SH3BP1: variants seen among roughly 807,000 people sequenced by gnomAD.
SH3BP1 encodes SH3 domain-binding protein 1.
SH3BP1 carries 46 observed loss-of-function variants against 69.8 expected under a neutral mutation model. The ratio of observed to expected loss-of-function variants is 0.66; its 90% CI spans 0.52 to 0.84. The LOEUF is 0.84. Ranked by LOEUF, SH3BP1 falls within the 40% of genes least tolerant of loss-of-function variation. The probability of loss-of-function intolerance (pLI) is 0.00; values close to 1 mark genes in which losing one functional copy is unlikely to be tolerated. For missense variants in SH3BP1, 868 were observed against 930.9 expected, an observed-to-expected ratio of 0.93 and a Z score of 0.88; for synonymous variants, 403 against 378.0, an observed-to-expected ratio of 1.07 and a Z score of -0.77.
At chr22:37,653,588 G>C (rs1932931512) in intron 16 of SH3BP1, among the ~76,000 whole-genome samples, 191 bp from the exon 17 acceptor site, 1 of 152,140 alleles carries the variant, frequency 6.6e-6, no homozygotes, top group Non-Finnish European at 1.5e-5. Flanking sequence ...AGCAGCCAGG[G>C]GCTCAGTGGA....
chr22:37,643,398 A>AACAG lies in SH3BP1; in HGVS notation c.473+224_473+225insACAG. ...TGCTGGGGCAACCCTAAAGCCTGGG[A>AACAG]TCCTGTAAACAGTCCTGCGGCAGCC... On this transcript the variant is annotated intron_variant, in intron 6 of 17. Transcript: ENST00000649765. 1.5e-5 allele frequency: 10 copies of AACAG among 660,580 alleles called. No individual in the cohort carries two copies. In the South Asian group the frequency reaches 1.9e-4, roughly 12 times the overall value. 40.9% of individuals were successfully genotyped at this position (660,580 alleles called of 1,614,324 possible).
At position 37,650,666 on chromosome 22, in the gene SH3BP1, G is replaced by C; in HGVS notation, c.1539G>C (p.Pro513=). Residue 513 remains proline, a synonymous_variant, in exon 16 of 18, where the codon CCG becomes CCC. Coordinates refer to ENST00000649765, the MANE Select transcript of SH3BP1 (RefSeq NM_018957.6). ...CCACCCCAGCCACCACCCCGGCTCC[G>C]GCTCCGGCTCCAGCTCCAGCTCCGG... ...AVPTPATTPA[P]APAPAPAPAP... The C allele has an allele frequency of 6.2e-7, 1 of 1,613,828 alleles. No homozygotes were observed. The highest frequency in any genetic ancestry group is 2.2e-5 in the East Asian group (1 of 44,878).
intron 10 of SH3BP1, among the ~76,000 whole-genome samples, chr22:37,646,472 T>A (rs914648178): frequency 1.8e-4 from 28 of 151,832 alleles, no homozygotes. Context: ...GCCAGGCTGG[T>A]CTCAAACCCC....
intron 7 of SH3BP1, among the ~76,000 whole-genome samples, chr22:37,644,010 GTGTT>G (rs2146049841): frequency 6.6e-6 from 1 of 152,364 alleles, no homozygotes; most frequent in South Asian, 2.1e-4. Flanking sequence ...GAGTCTCCAT[GTGTT>G]TGTTTGCTGA....
At chr22:37,640,742 A>G (rs1932554231) in intron 1 of SH3BP1, 1 of 275,956 alleles carries the variant, frequency 3.6e-6, no homozygotes, top group South Asian at 3.9e-5. Flanking sequence ...GAGCTCCTGC[A>G]CTTCCCGTTC....
intron 17 of SH3BP1, among the ~76,000 whole-genome samples, chr22:37,654,333 G>C (rs1411635989): frequency 6.6e-6 from 1 of 152,166 alleles, no homozygotes; most frequent in Non-Finnish European, 1.5e-5. Context: ...CACTTTGGGA[G>C]GCTGAGGCGG....
chr22:37,652,126 C>T (rs57701688), intron 16 of SH3BP1, among the ~76,000 whole-genome samples: 3,073 of 151,462 alleles, frequency 0.02, 103 homozygotes, highest in African/African-American at 0.069. Context: ...CTGGCTAACA[C>T]GGTGAAACCC....
At chr22:37,645,038 C>A in intron 9 of SH3BP1, 78 bp downstream of exon 9, 2 of 1,309,770 alleles carry the variant, frequency 1.5e-6, no homozygotes, top group South Asian at 1.2e-5. Flanking sequence ...GCACTTCATC[C>A]TGAAAGGTAG....
In SH3BP1 at chr22:37,643,752, G is replaced by A. The variant is rs1932703843; in HGVS notation, c.582G>A (p.Glu194=). The A allele has an allele frequency of 6.2e-7, 1 of 1,613,722 alleles. No homozygotes were observed. The highest frequency in any genetic ancestry group is 8.5e-7 in the Non-Finnish European group (1 of 1,180,028). The change falls in exon 7 of 18, where the codon GAG becomes GAA. Residue 194 remains glutamate, a synonymous_variant. Coordinates refer to ENST00000649765, the MANE Select transcript of SH3BP1 (RefSeq NM_018957.6). The part of the protein sequence containing the change: ...MANKVETLKE[E]EEELKRKVEQ... ...ACAAGGTGGAGACGCTGAAGGAGGA[G>A]GAGGAGGAGCTGAAGAGGAAAGTGG...
chr22:37,639,859 C>CG lies in SH3BP1; in HGVS notation c.59+14dup. On this transcript the variant is annotated intron_variant, in intron 1 of 17. Coordinates refer to ENST00000649765, the MANE Select transcript of SH3BP1 (RefSeq NM_018957.6). ...GCAGCTTGGGACGGTGAGTGTCACC[C>CG]GCTTCCAGCCCCACTCTTACCCCGG... 6.4e-7 allele frequency: 1 copy of CG among 1,558,086 alleles called. No individual in the cohort carries two copies. The highest frequency in any genetic ancestry group is 8.7e-7 in the Non-Finnish European group (1 of 1,153,864).
In SH3BP1 at chr22:37,643,106, G is replaced by T. The variant is rs763608496; in HGVS notation, c.405G>T (p.Leu135=). The change falls in exon 6 of 18, where the codon CTG becomes CTT. Residue 135 remains leucine (L), a synonymous_variant. Transcript: ENST00000649765. ...QPLSRLSEEE[L]PAILKHKKSL... ...CCCATGCCCATCCCCAGGAGGAGCT[G>T]CCAGCCATCCTCAAACACAAGAAAA... 20 of 1,611,000 alleles carry T rather than the reference G, an allele frequency of 1.2e-5. 1 individual carries two copies. In the South Asian group the frequency reaches 2.2e-4, roughly 18 times the overall value.
chr22:37,650,024 G>A (rs916726371), intron 14 of SH3BP1, 128 bp from the exon 15 acceptor site: 6 of 1,003,966 alleles, frequency 6.0e-6, no homozygotes, highest in South Asian at 3.8e-5. Flanking sequence ...TCAACTGGTG[G>A]TTTGTGGGCT....
chr22:37,656,030 T>C lies in SH3BP1; in HGVS notation c.*346T>C. ...TGTAAGGCTGGTAAATAAATTATTT[T>C]GGACAAAACTGGAGCAGCTGCCCAA... On this transcript the variant is annotated 3_prime_UTR_variant, in exon 18 of 18. Coordinates refer to ENST00000649765, the MANE Select transcript of SH3BP1 (RefSeq NM_018957.6). The C allele has an allele frequency of 4.3e-6, 6 of 1,405,922 alleles. No individual in the cohort carries two copies. The highest frequency in any genetic ancestry group is 5.7e-6 in the Non-Finnish European group (6 of 1,058,710). The allele number at this position is 1,405,922 out of a possible 1,614,324, so 87.1% of individuals were successfully genotyped here. A position where few individuals can be genotyped will look rare whatever the true frequency, so the allele number is the denominator to read the frequency against.
At position 37,650,210 on chromosome 22, in the gene SH3BP1, G is replaced by A. The variant is rs778886135; in HGVS notation, c.1375G>A (p.Glu459Lys). ...TTCCATCCAGGTGGTGGGCGTCGTC[G>A]AGGCGCTGATCCAGAGCGCAGACAC... The part of the protein sequence containing the change: ...VSSIQVVGVV[E>K]ALIQSADTLF... The change falls in exon 15 of 18, where the codon GAG becomes AAG. Residue 459 changes from glutamate (E) to lysine (K), a missense_variant. Coordinates refer to ENST00000649765, the MANE Select transcript of SH3BP1 (RefSeq NM_018957.6). 6 of 1,613,476 alleles carry A rather than the reference G, an allele frequency of 3.7e-6. No homozygotes were observed. The highest frequency in any genetic ancestry group is 1.1e-5 in the South Asian group (1 of 91,004).
chr22:37,655,277 C>G lies in SH3BP1; in HGVS notation c.1699C>G (p.Arg567Gly). ...PVEDMARRTK[R>G]PAPARPTMPP... Reference sequence around the variant, plus strand: ...ACCCTTTCCTTCCTCAACAGCCAAGCGCCCGGCGCCAGCCCGGCCCACCAT... The same window carrying G: ...ACCCTTTCCTTCCTCAACAGCCAAGGGCCCGGCGCCAGCCCGGCCCACCAT... The change falls in exon 18 of 18, where the codon CGC becomes GGC. Residue 567 changes from arginine (R) to glycine (G), a missense_variant. Arg to Gly is a moderately radical substitution (Grantham distance 125). Coordinates refer to ENST00000649765, the MANE Select transcript of SH3BP1 (RefSeq NM_018957.6). 2 of 1,586,554 alleles carry G rather than the reference C, an allele frequency of 1.3e-6. No individual in the cohort carries two copies. Among genetic ancestry groups the G allele is most frequent in the South Asian group, 1.1e-5 (1 of 88,670 alleles).
Position 37,655,332 on chromosome 22 carries a change from C to A in SH3BP1, c.1754C>A (p.Ser585Tyr). ...MPPPQVSGSR[S>Y]SPPAPPLPPG... ...CCCCCCCAGGTCTCCGGCTCCCGCT[C>A]CTCCCCTCCAGCCCCGCCCTTGCCC... Residue 585 changes from serine (S) to tyrosine (Y), a missense_variant, in exon 18 of 18, where the codon TCC becomes TAC. Ser to Tyr is a moderately radical substitution (Grantham distance 144). Transcript: ENST00000649765. 1.3e-6 allele frequency: 2 copies of A among 1,509,784 alleles called. No individual in the cohort carries two copies. The highest frequency in any genetic ancestry group is 8.9e-7 in the Non-Finnish European group (1 of 1,125,722). The allele number at this position is 1,509,784 out of a possible 1,614,324, so 93.5% of individuals were successfully genotyped here.
Position 37,642,542 on chromosome 22 carries a change from A to C in SH3BP1, c.211A>C (p.Lys71Gln). 1.9e-6 allele frequency: 3 copies of C among 1,613,046 alleles called. No homozygotes were observed. The highest frequency in any genetic ancestry group is 1.1e-5 in the South Asian group (1 of 91,082). ...SGADMDKRVK[K>Q]LPLMALSTTM... ...GCCGGCCCCACCCTCCCTGCAGAAG[A>C]AGCTTCCCCTCATGGCTCTGTCCAC... The change falls in exon 4 of 18, where the codon AAG becomes CAG. Residue 71 changes from lysine (K) to glutamine (Q), a missense_variant. Lys to Gln is a moderately conservative substitution (Grantham distance 53). This residue lies in a region of SH3BP1 where 387 missense variants were observed against 447.9 expected (regional missense o/e 0.86). Coordinates refer to ENST00000649765, the MANE Select transcript of SH3BP1 (RefSeq NM_018957.6).
rs530928824 is a variant in SH3BP1 at position 37,643,938 on chromosome 22, G to A, written c.618+150G>A. The A allele has an allele frequency of 3.5e-4, 291 of 824,336 alleles. 4 individuals carry two copies. The East Asian group carries it at 6.6e-3, about 19-fold the overall frequency. The allele number at this position is 824,336 out of a possible 1,614,324, so 51.1% of individuals were successfully genotyped here. A position where few individuals can be genotyped will look rare whatever the true frequency, so the allele number is the denominator to read the frequency against. ...GCCAGCAGAGCTCCGCCATTCCCTC[G>A]TAGCCTCTTCTGTCTGTACCCCATG... is the stretch of plus-strand genomic sequence containing the variant. On this transcript the variant is annotated intron_variant, in intron 7 of 17. Coordinates refer to ENST00000649765, the MANE Select transcript of SH3BP1 (RefSeq NM_018957.6).
chr22:37,643,557 T>A, intron 6 of SH3BP1, 87 bp from the exon 7 acceptor site: 1 of 1,556,836 alleles, frequency 6.4e-7, no homozygotes, highest in Non-Finnish European at 8.8e-7. Context: ...AATCCTAGAA[T>A]CCCATGTGGT....
Sources: gnomAD v4.1 joint callset for allele counts (sites outside exome capture counted in the v4.1 genomes callset) on GRCh38, gnomAD v4.1.1 for gene constraint, gnomAD v4.1.1 regional missense constraint, MANE v1.5 for transcripts, NCBI Gene and HGNC (gene_info 2026-07-23, HGNC 2026-07-21) for gene names.